NTM: variants seen among roughly 807,000 people sequenced by gnomAD.
NTM encodes the protein IgLON family member 2.
In NTM, 13 loss-of-function variants were observed where a neutral mutation model predicts 42.1. The observed-to-expected ratio is 0.31, with a 90% CI of 0.20 to 0.49. The LOEUF is 0.49. NTM is among the 20% of genes least tolerant of loss of function. The pLI, the probability that NTM is intolerant of heterozygous loss-of-function variation, is 0.99. For missense variants in NTM, 373 were observed against 452.8 expected (o/e 0.82, Z 1.60); for synonymous variants, 187 against 179.2 (o/e 1.04, Z -0.35).
chr11:131,396,301 C>A (rs1189655729), intron 1 of NTM, among the ~76,000 whole-genome samples: 2 of 152,126 alleles, frequency 1.3e-5, no homozygotes, highest in Non-Finnish European at 2.9e-5. Flanking sequence ...GCATTGAAAT[C>A]ATCCTGGACT....
intron 1 of NTM, among the ~76,000 whole-genome samples, chr11:131,728,075 T>A (rs789548): frequency 0.26 from 39,946 of 152,030 alleles, 6,849 homozygotes; most frequent in African/African-American, 0.48. Context: ...CTTTAGGTGT[T>A]CATTAGTATA....
intron 1 of NTM, among the ~76,000 whole-genome samples, chr11:131,812,621 G>A (rs1301908776): frequency 6.6e-6 from 1 of 152,084 alleles, no homozygotes; most frequent in African/African-American, 2.4e-5. Flanking sequence ...AACTCCAGAT[G>A]GCTTCTACAA....
At position 131,925,954 on chromosome 11, in the gene NTM, A is replaced by G; in HGVS notation, c.167+14306A>G. 1.3e-5 allele frequency among the ~76,000 whole-genome samples: 2 copies of G among 152,164 alleles called. 1 individual carries two copies. Among genetic ancestry groups the G allele is most frequent in the Admixed American group, 1.3e-4 (2 of 15,282 alleles). ...GTGCCTGGCACATAATAGGAGCTGA[A>G]TGTATCCTTGGAGAATAGATGCATG... On this transcript the variant is annotated intron_variant, in intron 2 of 8. Transcript: ENST00000683400.
At chr11:132,128,234 G>A (rs886934191) in intron 2 of NTM, among the ~76,000 whole-genome samples, 5 of 122,960 alleles carry the variant, frequency 4.1e-5, no homozygotes, top group Non-Finnish European at 9.1e-5. Context: ...TGTTCTGTGA[G>A]TGTGTTTTTT....
chr11:132,045,088 C>T (rs2077802189), intron 2 of NTM, among the ~76,000 whole-genome samples: 1 of 152,196 alleles, frequency 6.6e-6, no homozygotes, highest in African/African-American at 2.4e-5. Context: ...AAGAAAATGT[C>T]AGGCCAATAT....
At chr11:131,849,354 G>A (rs10791178) in intron 1 of NTM, among the ~76,000 whole-genome samples, 95,248 of 151,964 alleles carry the variant, frequency 0.63, 30,030 homozygotes, top group East Asian at 0.69. Flanking sequence ...CATGGCACCC[G>A]TGTCTGCTTG....
At chr11:131,787,477 C>T (rs1355031266) in intron 1 of NTM, among the ~76,000 whole-genome samples, 1 of 151,696 alleles carries the variant, frequency 6.6e-6, no homozygotes, top group Non-Finnish European at 1.5e-5. Flanking sequence ...CCTCCTCCTC[C>T]TGGGTTCAAG....
chr11:132,056,123 T>C (rs1173791972), intron 2 of NTM, among the ~76,000 whole-genome samples: 1 of 152,238 alleles, frequency 6.6e-6, no homozygotes, highest in African/African-American at 2.4e-5. Flanking sequence ...TAATTGGAAA[T>C]GATAAACTCC....
chr11:132,279,198 T>C (rs546879516), intron 4 of NTM, among the ~76,000 whole-genome samples: 1 of 152,308 alleles, frequency 6.6e-6, no homozygotes, highest in Admixed American at 6.5e-5. Context: ...CCAAGTCCCA[T>C]CAATTAATTC....
chr11:131,894,106 C>T (rs1165307902), intron 1 of NTM, among the ~76,000 whole-genome samples: 1 of 152,196 alleles, frequency 6.6e-6, no homozygotes, highest in African/African-American at 2.4e-5. Flanking sequence ...CCGAACACCT[C>T]TGTGAACAAT....
chr11:131,823,043 G>A (rs1050726610), intron 1 of NTM, among the ~76,000 whole-genome samples: 5 of 151,980 alleles, frequency 3.3e-5, no homozygotes, highest in Admixed American at 6.6e-5. Context: ...ATGATGACAG[G>A]CAGGAGACAA....
intron 2 of NTM, among the ~76,000 whole-genome samples, chr11:132,021,623 C>T (rs777161419): frequency 3.3e-5 from 5 of 152,106 alleles, no homozygotes; most frequent in Non-Finnish European, 7.3e-5. Context: ...TCACTAATGT[C>T]TTAGGGATTT....
chr11:131,794,855 G>A (rs976308564), intron 1 of NTM: 7 of 985,396 alleles, frequency 7.1e-6, no homozygotes, highest in Non-Finnish European at 8.4e-6. Flanking sequence ...AGCTGCCATA[G>A]GTAACGGCCT....
At chr11:132,174,251 T>C (rs796295387) in intron 3 of NTM, among the ~76,000 whole-genome samples, 3 of 152,328 alleles carry the variant, frequency 2.0e-5, no homozygotes, top group African/African-American at 7.2e-5. Context: ...ACTTAAGTTT[T>C]CTGGGCCTCA....
intron 2 of NTM, among the ~76,000 whole-genome samples, chr11:132,097,639 T>C (rs1483349319): frequency 1.6e-4 from 24 of 152,224 alleles, no homozygotes; most frequent in Admixed American, 1.6e-3. Flanking sequence ...TATGACCTCC[T>C]AGGTCAGGCT....
intron 2 of NTM, among the ~76,000 whole-genome samples, chr11:132,036,861 G>A (rs2076569685): frequency 6.6e-6 from 1 of 152,144 alleles, no homozygotes. Flanking sequence ...TTGGGAAATG[G>A]ACTGAAGGGC....
chr11:131,825,825 T>G (rs945753629), intron 1 of NTM, among the ~76,000 whole-genome samples: 3 of 152,150 alleles, frequency 2.0e-5, no homozygotes, highest in African/African-American at 7.2e-5. Context: ...GGGCCAGACT[T>G]AACAGAGAAA....
chr11:132,229,323 C>T (rs1195241114), intron 4 of NTM, among the ~76,000 whole-genome samples: 20 of 152,288 alleles, frequency 1.3e-4, no homozygotes, highest in Middle Eastern at 3.4e-3. Flanking sequence ...TGCTCCCTAA[C>T]GTGCAATATG....
At chr11:132,210,421 T>A (rs1025628593) in intron 3 of NTM, among the ~76,000 whole-genome samples, 3 of 152,198 alleles carry the variant, frequency 2.0e-5, no homozygotes, top group Non-Finnish European at 2.9e-5. Flanking sequence ...CTCAATTCTG[T>A]AAATATTTGT....
Sources: gnomAD v4.1 joint callset for allele counts (sites outside exome capture counted in the v4.1 genomes callset) on GRCh38, gnomAD v4.1.1 for gene constraint, MANE v1.5 for transcripts, NCBI Gene and HGNC (gene_info 2026-07-23, HGNC 2026-07-21) for gene names.